Variants in FSIP1 observed in about 807,000 individuals in gnomAD.
FSIP1 encodes the protein fibrous sheath interacting protein 1.
In FSIP1, 65 loss-of-function variants were observed where a neutral mutation model predicts 60.9. The observed-to-expected ratio is 1.07, with a 90% CI of 0.87 to 1.31. The LOEUF (loss-of-function observed/expected upper bound fraction) is 1.31. FSIP1 is among the 40% of genes most tolerant of loss of function. FSIP1 has a pLI of 0.00. For synonymous variants in FSIP1, 209 were observed against 221.2 expected (o/e 0.94, Z 0.49); for missense variants, 675 against 665.5 (o/e 1.01, Z -0.16).
At chr15:39,693,828 C>A (rs1013275964) in intron 10 of FSIP1, among the ~76,000 whole-genome samples, 1 of 152,078 alleles carries the variant, frequency 6.6e-6, no homozygotes, top group Non-Finnish European at 1.5e-5. Context: ...GTCTGGTGTC[C>A]TTATCTGTAA....
intron 9 of FSIP1, among the ~76,000 whole-genome samples, chr15:39,717,048 T>C (rs1038207642): frequency 3.9e-5 from 6 of 152,024 alleles, no homozygotes; most frequent in African/African-American, 1.4e-4. Context: ...CTCTTGACCT[T>C]GTGATCCACC....
Position 39,617,851 on chromosome 15 carries a change from C to A in FSIP1, c.1583G>T (p.Gly528Val). ...GGAGGGCCTTTTCAGTCTCCCAATGCCAAGAGTCTTCGACATAAAATAGTC... is the reference window on the plus strand; with the variant it reads ...GGAGGGCCTTTTCAGTCTCCCAATGACAAGAGTCTTCGACATAAAATAGTC... The part of the protein sequence containing the change: ...TKDYFMSKTL[G>V]IGRLKRPSFL... Residue 528 changes from glycine (G) to valine (V), a missense_variant, in exon 11 of 12, where the codon GGC becomes GTC. Physicochemically the swap from Gly to Val is moderately radical, Grantham distance 109 (BLOSUM62 -3). Coordinates refer to ENST00000350221, the MANE Select transcript of FSIP1 (RefSeq NM_152597.5). The A allele has an allele frequency of 6.2e-7, 1 of 1,613,968 alleles. No homozygotes were observed. Among genetic ancestry groups the A allele is most frequent in the Non-Finnish European group, 8.5e-7 (1 of 1,179,992 alleles).
At chr15:39,709,179 C>A (rs76042935) in intron 10 of FSIP1, among the ~76,000 whole-genome samples, 3 of 152,210 alleles carry the variant, frequency 2.0e-5, no homozygotes, top group Non-Finnish European at 4.4e-5. Context: ...CCTTAGCTCA[C>A]TCTTTCTTCT....
chr15:39,740,406 A>G (rs1367169718), intron 6 of FSIP1, among the ~76,000 whole-genome samples: 4 of 152,332 alleles, frequency 2.6e-5, no homozygotes, highest in African/African-American at 9.6e-5. Context: ...AAATAAGAAT[A>G]AGAAAAATAC....
At chr15:39,646,452 G>A (rs1476650013) in intron 10 of FSIP1, among the ~76,000 whole-genome samples, 1 of 145,594 alleles carries the variant, frequency 6.9e-6, no homozygotes, top group Admixed American at 7.0e-5. Flanking sequence ...GAGAAGCTGA[G>A]GCAGGAGGAT....
At chr15:39,736,323 C>T (rs537416826) in intron 8 of FSIP1, among the ~76,000 whole-genome samples, 2 of 152,354 alleles carry the variant, frequency 1.3e-5, no homozygotes, top group South Asian at 2.1e-4. Flanking sequence ...TAGACACAGC[C>T]CCCGCTGGGA....
intron 11 of FSIP1, among the ~76,000 whole-genome samples, chr15:39,612,610 A>G (rs1891076586): frequency 6.6e-6 from 1 of 152,152 alleles, no homozygotes; most frequent in East Asian, 1.9e-4. Flanking sequence ...ACTAAGTCCA[A>G]AGTTAGCAGA....
At position 39,617,851 on chromosome 15, in the gene FSIP1, C is replaced by G. The variant is rs16969386; in HGVS notation, c.1583G>C (p.Gly528Ala). The part of the protein sequence containing the change: ...TKDYFMSKTL[G>A]IGRLKRPSFL... ...GGAGGGCCTTTTCAGTCTCCCAATGCCAAGAGTCTTCGACATAAAATAGTC... is the reference window on the plus strand; with the variant it reads ...GGAGGGCCTTTTCAGTCTCCCAATGGCAAGAGTCTTCGACATAAAATAGTC... The change falls in exon 11 of 12, where the codon GGC becomes GCC. Residue 528 changes from glycine (G) to alanine (A), a missense_variant. Coordinates refer to ENST00000350221, the MANE Select transcript of FSIP1 (RefSeq NM_152597.5). 0.13 allele frequency: 216,123 copies of G among 1,613,864 alleles called. 16,654 individuals carry two copies. Among genetic ancestry groups the G allele is most frequent in the East Asian group, 0.34 (15,262 of 44,850 alleles).
intron 9 of FSIP1, among the ~76,000 whole-genome samples, chr15:39,716,482 T>C (rs1221672909): frequency 1.3e-5 from 2 of 152,188 alleles, no homozygotes; most frequent in African/African-American, 4.8e-5. Flanking sequence ...ATCCAGAATA[T>C]GTAAGGAACT....
At chr15:39,700,321 T>C (rs1895005107) in intron 10 of FSIP1, among the ~76,000 whole-genome samples, 1 of 152,208 alleles carries the variant, frequency 6.6e-6, no homozygotes, top group African/African-American at 2.4e-5. Context: ...CTGTTCTCTA[T>C]TTTGATCAAA....
At chr15:39,642,021 T>C (rs1423076834) in intron 10 of FSIP1, among the ~76,000 whole-genome samples, 2 of 152,218 alleles carry the variant, frequency 1.3e-5, no homozygotes, top group Non-Finnish European at 2.9e-5. Flanking sequence ...CCTTCATTTT[T>C]TGACCTGACA....
intron 10 of FSIP1, among the ~76,000 whole-genome samples, chr15:39,622,926 GC>G (rs1891495423): frequency 6.6e-6 from 1 of 151,978 alleles, no homozygotes; most frequent in African/African-American, 2.4e-5. Context: ...GGACTTTATT[GC>G]CCAGATTGGC....
rs1393713682 is a variant in FSIP1 at position 39,618,087 on chromosome 15, G to A, written c.1347C>T (p.Ile449=). Residue 449 remains isoleucine (I), a synonymous_variant, in exon 11 of 12, where the codon ATC becomes ATT. Transcript: ENST00000350221. ...PVFPQLSRSI[I]SKLLNESETK... is the part of the protein sequence containing the mutation. Reference sequence around the variant, plus strand: ...TTTCTGATTCATTTAGCAATTTAGAGATGATGGACCTGGAAAGCTGGGGGA... The same window carrying A: ...TTTCTGATTCATTTAGCAATTTAGAAATGATGGACCTGGAAAGCTGGGGGA... The A allele has an allele frequency of 6.2e-7, 1 of 1,614,154 alleles. No individual in the cohort carries two copies. The highest frequency in any genetic ancestry group is 1.1e-5 in the South Asian group (1 of 91,080).
chr15:39,691,638 A>G (rs1414224369), intron 10 of FSIP1, among the ~76,000 whole-genome samples: 1 of 152,238 alleles, frequency 6.6e-6, no homozygotes, highest in African/African-American at 2.4e-5. Context: ...AGAGATCCTG[A>G]TAAGATAAAG....
At chr15:39,731,365 G>A (rs1002577533) in intron 8 of FSIP1, among the ~76,000 whole-genome samples, 2 of 151,942 alleles carry the variant, frequency 1.3e-5, no homozygotes, top group Non-Finnish European at 2.9e-5. Flanking sequence ...ACAAACTCTG[G>A]TAATTTTTCC....
At chr15:39,741,667 CTT>C (rs1896804577) in intron 6 of FSIP1, 136 bp downstream of exon 6, 1 of 522,650 alleles carries the variant, frequency 1.9e-6, no homozygotes, top group Non-Finnish European at 3.5e-6. Flanking sequence ...AATAACCAAT[CTT>C]GTGTCATCTT....
At chr15:39,722,138 A>G (rs937662008) in intron 9 of FSIP1, among the ~76,000 whole-genome samples, 3 of 152,098 alleles carry the variant, frequency 2.0e-5, no homozygotes, top group Non-Finnish European at 4.4e-5. Flanking sequence ...GCGGCATTAC[A>G]TTCTCACAGT....
chr15:39,738,425 C>A (rs1049641211), intron 7 of FSIP1, among the ~76,000 whole-genome samples: 17 of 152,146 alleles, frequency 1.1e-4, no homozygotes, highest in African/African-American at 4.1e-4. Flanking sequence ...CTGCTGTTAA[C>A]CACTCCAACA....
At position 39,645,745 on chromosome 15, in the gene FSIP1, CT is replaced by C. The variant is rs375721433; in HGVS notation, c.1189-27501del. Among the ~76,000 whole-genome samples, 1,358 of 152,366 alleles carry C rather than the reference CT, an allele frequency of 8.9e-3. 19 individuals are homozygous for C. Among genetic ancestry groups the C allele is most frequent in the African/African-American group, 0.031 (1,280 of 41,598 alleles). ...GGCACCCCAGGAAGGTTCCCTGCCC[CT>C]GTCCCTGAAGGCTCAGGGGTGTCTG... On this transcript the variant is annotated intron_variant, in intron 10 of 11. Coordinates refer to ENST00000350221, the MANE Select transcript of FSIP1 (RefSeq NM_152597.5).
Sources: allele counts gnomAD v4.1 joint callset (sites outside exome capture counted in the v4.1 genomes callset), GRCh38; gene constraint gnomAD v4.1.1; transcripts MANE v1.5; gene names NCBI Gene and HGNC (gene_info 2026-07-23, HGNC 2026-07-21).